The following TBC1D23 variants were observed in gnomAD, a reference collection of about 807,000 sequenced individuals.
TBC1D23 encodes the protein TBC1 domain family member 23.
In TBC1D23, 55 loss-of-function variants were observed where a neutral mutation model predicts 91.4. That is an observed-to-expected ratio of 0.60 (90% confidence interval 0.48 to 0.75). The LOEUF (loss-of-function observed/expected upper bound fraction) is 0.75, where lower values mean the gene tolerates loss of function less well. TBC1D23 is among the 30% of genes least tolerant of loss of function. The probability of loss-of-function intolerance (pLI) is 0.00; values close to 1 mark genes in which losing one functional copy is unlikely to be tolerated. For synonymous variants in TBC1D23, 289 were observed against 281.0 expected, an observed-to-expected ratio of 1.03 and a Z score of -0.28; for missense variants, 725 against 836.1, an observed-to-expected ratio of 0.87 and a Z score of 1.64.
At chr3:100,262,306 G>A (rs951921624) in intron 1 of TBC1D23, among the ~76,000 whole-genome samples, 4 of 152,162 alleles carry the variant, frequency 2.6e-5, no homozygotes, top group African/African-American at 9.7e-5. Context: ...GAGTCACTGG[G>A]GGAAAGCTTC....
intron 1 of TBC1D23, among the ~76,000 whole-genome samples, chr3:100,262,303 T>TG (rs1241636439): frequency 2.0e-5 from 3 of 152,156 alleles, no homozygotes; most frequent in Admixed American, 1.3e-4. Context: ...TTGGAGTCAC[T>TG]GGGGGAAAGC....
Position 100,293,478 on chromosome 3 carries a change from G to GT in TBC1D23, c.601-1603dup, listed in dbSNP as rs530769148. ...ACTAGTATCATGTTGATGAAATAGA[G>GT]TTTTTTAAGTATCATGAGATGAAAC... is the stretch of plus-strand genomic sequence containing the variant. On this transcript the variant is annotated intron_variant, in intron 5 of 18. Coordinates refer to ENST00000394144, the MANE Select transcript of TBC1D23 (RefSeq NM_001199198.3). 4.3e-3 allele frequency among the ~76,000 whole-genome samples: 653 copies of GT among 152,228 alleles called. 6 individuals carry two copies. The highest frequency in any genetic ancestry group is 0.015 in the African/African-American group (604 of 41,516).
At chr3:100,323,473 C>T in intron 18 of TBC1D23, 114 bp from the exon 19 acceptor site, 1 of 386,688 alleles carries the variant, frequency 2.6e-6, no homozygotes, top group Non-Finnish European at 4.1e-6. Flanking sequence ...TTAGGGAAAG[C>T]TTCCCATTGG....
At chr3:100,316,611 A>T (rs1222381095) in intron 16 of TBC1D23, among the ~76,000 whole-genome samples, 1 of 152,192 alleles carries the variant, frequency 6.6e-6, no homozygotes, top group East Asian at 1.9e-4. Flanking sequence ...ATGGGATTGA[A>T]ATCCCTTTGA....
chr3:100,291,615 GTTTA>G (rs757570925), intron 5 of TBC1D23, among the ~76,000 whole-genome samples: 3 of 150,766 alleles, frequency 2.0e-5, no homozygotes, highest in Non-Finnish European at 3.0e-5. Flanking sequence ...AATTTTAAAT[GTTTA>G]TTAATTTATT....
chr3:100,298,561 G>T (rs1406578848), intron 9 of TBC1D23, among the ~76,000 whole-genome samples: 2 of 152,118 alleles, frequency 1.3e-5, no homozygotes, highest in African/African-American at 4.8e-5. Flanking sequence ...GTATTTGGAA[G>T]GTGTAGTGTA....
chr3:100,285,051 T>C (rs929557160), intron 4 of TBC1D23, among the ~76,000 whole-genome samples: 13 of 152,224 alleles, frequency 8.5e-5, no homozygotes, highest in Admixed American at 2.6e-4. Context: ...TATAAGTGTT[T>C]TGTATGGTTC....
At chr3:100,271,820 C>A (rs1317857305) in intron 1 of TBC1D23, among the ~76,000 whole-genome samples, 3 of 152,110 alleles carry the variant, frequency 2.0e-5, no homozygotes, top group Non-Finnish European at 2.9e-5. Flanking sequence ...AGTATAGGAA[C>A]AGAGAAGGCA....
At chr3:100,314,937 A>G (rs372908913) in intron 15 of TBC1D23, among the ~76,000 whole-genome samples, 117 of 152,300 alleles carry the variant, frequency 7.7e-4, no homozygotes, top group Middle Eastern at 3.4e-3. Flanking sequence ...TTTTAGCTGA[A>G]CCTTATCCTA....
At chr3:100,277,079 T>C (rs1467813028) in intron 1 of TBC1D23, among the ~76,000 whole-genome samples, 1 of 152,210 alleles carries the variant, frequency 6.6e-6, no homozygotes, top group Non-Finnish European at 1.5e-5. Context: ...CACCCACTCA[T>C]ACCACACCAG....
chr3:100,321,094 C>A, intron 18 of TBC1D23, 123 bp downstream of exon 18: 1 of 702,052 alleles, frequency 1.4e-6, no homozygotes, highest in Non-Finnish European at 2.3e-6. Context: ...AGCTGAACCA[C>A]TTTTAGTGTT....
In TBC1D23 at chr3:100,296,889, A is replaced by T. The variant is rs186655012; in HGVS notation, c.876+614A>T. Among the ~76,000 whole-genome samples the T allele has an allele frequency of 2.5e-4, 38 of 151,718 alleles. No homozygotes were observed. In the East Asian group the frequency reaches 6.8e-3, roughly 27 times the overall value. ...AAAAAAAAAAAAAAAATTATATTAC[A>T]GTAGTAATCCAGTGGAGGAGGTAGA... On this transcript the variant is annotated intron_variant, in intron 8 of 18. Transcript: ENST00000394144.
At chr3:100,295,895 G>A (rs773846086) in intron 7 of TBC1D23, among the ~76,000 whole-genome samples, 1 of 152,060 alleles carries the variant, frequency 6.6e-6, no homozygotes, top group Non-Finnish European at 1.5e-5. Flanking sequence ...AGGGGCCTTG[G>A]CATTTCTTCA....
intron 18 of TBC1D23, among the ~76,000 whole-genome samples, chr3:100,321,972 CAT>C (rs1198888776): frequency 1.3e-5 from 2 of 151,138 alleles, no homozygotes; most frequent in Non-Finnish European, 2.9e-5. Context: ...TTTTTTAATG[CAT>C]ATGTTATTTC....
intron 13 of TBC1D23, among the ~76,000 whole-genome samples, chr3:100,307,319 TCA>T (rs1705533491): frequency 6.6e-6 from 1 of 152,196 alleles, no homozygotes; most frequent in Non-Finnish European, 1.5e-5. Flanking sequence ...CAGTACAAGG[TCA>T]CAGTTAGTAG....
intron 5 of TBC1D23, among the ~76,000 whole-genome samples, chr3:100,292,094 T>C (rs1275427998): frequency 3.3e-5 from 5 of 152,204 alleles, no homozygotes; most frequent in Non-Finnish European, 5.9e-5. Flanking sequence ...ATATCACATA[T>C]CATGTAGGCG....
At position 100,316,203 on chromosome 3, in the gene TBC1D23, T is replaced by G. The variant is rs767990814; in HGVS notation, c.1687+16T>G. On this transcript the variant is annotated intron_variant, in intron 16 of 18. Transcript: ENST00000394144. ...TACGACACAGGTGTAGTAATACACT[T>G]AGCTACAGACAGCTTTGCTGTCATT... is the stretch of plus-strand genomic sequence containing the variant. 2 of 1,583,592 alleles carry G rather than the reference T, an allele frequency of 1.3e-6. No homozygotes were observed. Among genetic ancestry groups the G allele is most frequent in the Non-Finnish European group, 1.7e-6 (2 of 1,152,050 alleles).
At chr3:100,262,739 A>AC (rs1246337724) in intron 1 of TBC1D23, among the ~76,000 whole-genome samples, 3 of 151,500 alleles carry the variant, frequency 2.0e-5, no homozygotes, top group Non-Finnish European at 4.4e-5. Context: ...AAAAAAAAAA[A>AC]AAAAAACACT....
At chr3:100,315,970 G>A in intron 15 of TBC1D23, 129 bp from the exon 16 acceptor site, 2 of 704,458 alleles carry the variant, frequency 2.8e-6, no homozygotes, top group East Asian at 2.6e-5. Flanking sequence ...ACTATGGGTA[G>A]TACATGGGGT....
Sources: gnomAD v4.1 joint callset for allele counts (sites outside exome capture counted in the v4.1 genomes callset) on GRCh38, gnomAD v4.1.1 for gene constraint, MANE v1.5 for transcripts, NCBI Gene and HGNC (gene_info 2026-07-23, HGNC 2026-07-21) for gene names.